Variants in DOCK1 observed in about 807,000 individuals in gnomAD.
The protein encoded by DOCK1 is dedicator of cytokinesis protein 1.
DOCK1 carries 138 observed loss-of-function variants against 262.7 expected under a neutral mutation model. The ratio of observed to expected loss-of-function variants is 0.53; its 90% confidence interval spans 0.46 to 0.61. The LOEUF (loss-of-function observed/expected upper bound fraction) is 0.61. Ranked by LOEUF, DOCK1 falls within the 20% of genes least tolerant of loss-of-function variation. The pLI, the probability that DOCK1 is intolerant of heterozygous loss-of-function variation, is 0.00. For synonymous variants in DOCK1, 866 were observed against 867.4 expected, an observed-to-expected ratio of 1.00 and a Z score of 0.03; for missense variants, 1,908 against 2,370.7, an observed-to-expected ratio of 0.80 and a Z score of 4.05.
At chr10:127,422,333 A>G (rs2068568369) in intron 46 of DOCK1, among the ~76,000 whole-genome samples, 1 of 150,898 alleles carries the variant, frequency 6.6e-6, no homozygotes, top group Admixed American at 6.6e-5. Flanking sequence ...CACCTGGCTA[A>G]TTTTTGTATT....
intron 38 of DOCK1, 30 bp from the exon 39 acceptor site, chr10:127,403,025 T>C (rs780179083): frequency 1.3e-6 from 2 of 1,584,392 alleles, no homozygotes; most frequent in Non-Finnish European, 1.7e-6. Flanking sequence ...GGCCTCGGCT[T>C]CTCTTTCTTT....
chr10:127,190,668 C>T (rs1346276941), intron 27 of DOCK1, among the ~76,000 whole-genome samples: 1 of 12,376 alleles, frequency 8.1e-5, no homozygotes, highest in Non-Finnish European at 1.6e-4. Flanking sequence ...CCTATCTTCC[C>T]CCCCCCCCCC....
At chr10:127,366,842 A>C (rs554551804) in intron 33 of DOCK1, among the ~76,000 whole-genome samples, 16 of 152,258 alleles carry the variant, frequency 1.1e-4, no homozygotes, top group African/African-American at 3.9e-4. Context: ...GCAGGGGCTT[A>C]AGTTTTTTTT....
chr10:127,042,102 A>T (rs2044057258), intron 19 of DOCK1, among the ~76,000 whole-genome samples: 1 of 152,228 alleles, frequency 6.6e-6, no homozygotes, highest in Non-Finnish European at 1.5e-5. Context: ...GTTGTTGAAT[A>T]AAGTAAGCAC....
At chr10:127,349,535 C>G (rs2063788726) in intron 31 of DOCK1, among the ~76,000 whole-genome samples, 1 of 152,112 alleles carries the variant, frequency 6.6e-6, no homozygotes, top group Non-Finnish European at 1.5e-5. Flanking sequence ...AAGCATTTTT[C>G]AAACTGCAGG....
chr10:127,357,764 C>A (rs2064214958), intron 32 of DOCK1, among the ~76,000 whole-genome samples: 1 of 152,122 alleles, frequency 6.6e-6, no homozygotes, highest in African/African-American at 2.4e-5. Context: ...GGGTTCCTTG[C>A]TGGTAAAATA....
At chr10:126,923,366 G>A (rs977351435) in intron 1 of DOCK1, among the ~76,000 whole-genome samples, 1 of 151,972 alleles carries the variant, frequency 6.6e-6, no homozygotes, top group Non-Finnish European at 1.5e-5. Context: ...GCTCATGCCT[G>A]TAATCCCAGC....
At chr10:127,198,043 G>C (rs1033036443) in intron 27 of DOCK1, among the ~76,000 whole-genome samples, 3 of 152,124 alleles carry the variant, frequency 2.0e-5, no homozygotes, top group Admixed American at 6.5e-5. Flanking sequence ...CACTCTTCTT[G>C]TTGTTCTTCT....
intron 38 of DOCK1, among the ~76,000 whole-genome samples, chr10:127,396,581 C>A (rs1469468783): frequency 6.6e-6 from 1 of 152,102 alleles, no homozygotes; most frequent in African/African-American, 2.4e-5. Context: ...CACCAGTGGC[C>A]AGTAGCTGCC....
intron 27 of DOCK1, among the ~76,000 whole-genome samples, chr10:127,245,781 C>T (rs1227483427): frequency 1.3e-5 from 2 of 152,124 alleles, no homozygotes; most frequent in Admixed American, 6.5e-5. Context: ...AAGGATTATG[C>T]TTTTCTTTCT....
chr10:126,911,692 G>A (rs1434189303), intron 1 of DOCK1, among the ~76,000 whole-genome samples: 1 of 152,140 alleles, frequency 6.6e-6, no homozygotes, highest in African/African-American at 2.4e-5. Context: ...CCTGGTTTCT[G>A]CGTTTTTAAG....
intron 1 of DOCK1, among the ~76,000 whole-genome samples, chr10:126,960,723 A>AATATATATATATATATATATATAT (rs1159655828): frequency 9.7e-5 from 13 of 134,656 alleles, no homozygotes; most frequent in Admixed American, 1.5e-4. Context: ...CCTACCCTCA[A>AATATATATATATATATATATATAT]ATATATATAT....
At chr10:127,122,389 C>T (rs1437840441) in intron 25 of DOCK1, among the ~76,000 whole-genome samples, 4 of 152,180 alleles carry the variant, frequency 2.6e-5, no homozygotes, top group African/African-American at 4.8e-5. Flanking sequence ...CCTCAGTGAC[C>T]TGGTTCTGTT....
At chr10:126,952,540 ATGG>A (rs2036351841) in intron 1 of DOCK1, among the ~76,000 whole-genome samples, 4 of 138,622 alleles carry the variant, frequency 2.9e-5, no homozygotes, top group African/African-American at 8.1e-5. Context: ...ACGGTTGGTG[ATGG>A]TGGTGGTAGT....
intron 1 of DOCK1, among the ~76,000 whole-genome samples, chr10:126,942,160 A>G (rs1255742433): frequency 4.6e-5 from 7 of 151,956 alleles, no homozygotes; most frequent in Non-Finnish European, 1.0e-4. Context: ...GAGTAGCGGG[A>G]CTACAGGCGC....
At chr10:127,004,769 G>GCCCCCCCCCCCCCCCC (rs1285670669) in intron 10 of DOCK1, among the ~76,000 whole-genome samples, 1 of 14,276 alleles carries the variant, frequency 7.0e-5, no homozygotes, top group African/African-American at 2.5e-4. Context: ...CCCCTGCCCC[G>GCCCCCCCCCCCCCCCC]CCACCCCCCC....
chr10:127,111,428 C>T (rs1363732780), intron 25 of DOCK1, among the ~76,000 whole-genome samples: 1 of 152,180 alleles, frequency 6.6e-6, no homozygotes, highest in Non-Finnish European at 1.5e-5. Context: ...TTCTTACTTT[C>T]ATAAAAGAAA....
At chr10:127,382,187 A>C (rs1190142465) in intron 37 of DOCK1, among the ~76,000 whole-genome samples, 1 of 152,186 alleles carries the variant, frequency 6.6e-6, no homozygotes, top group Non-Finnish European at 1.5e-5. Flanking sequence ...ATGTTTCCAA[A>C]TCCAAGCCAG....
intron 48 of DOCK1, among the ~76,000 whole-genome samples, chr10:127,434,199 TTTTG>T (rs2069504892): frequency 6.6e-6 from 1 of 152,038 alleles, no homozygotes; most frequent in South Asian, 2.1e-4. Flanking sequence ...AGAGCAAATG[TTTTG>T]TTTATTTTTG....
Sources: allele counts gnomAD v4.1 joint callset (sites outside exome capture counted in the v4.1 genomes callset), GRCh38; gene constraint gnomAD v4.1.1; transcripts MANE v1.5; gene names NCBI Gene and HGNC (gene_info 2026-07-23, HGNC 2026-07-21).